The following ADK variants were observed in gnomAD, a reference collection of about 807,000 sequenced individuals.
The protein encoded by ADK is N6,N6-dimethyladenosine kinase.
In ADK, 24 loss-of-function variants were observed where a neutral mutation model predicts 44.7. The ratio of observed to expected loss-of-function variants is 0.54; its 90% confidence interval spans 0.39 to 0.76. ADK has a LOEUF of 0.76. ADK is among the 30% of genes least tolerant of loss of function. The pLI is 0.00. For missense variants in ADK, 321 were observed against 425.1 expected, an observed-to-expected ratio of 0.76 and a Z score of 2.15; for synonymous variants, 128 against 142.6, an observed-to-expected ratio of 0.90 and a Z score of 0.73.
chr10:74,683,156 C>G (rs959666406), intron 10 of ADK, among the ~76,000 whole-genome samples: 2 of 152,174 alleles, frequency 1.3e-5, no homozygotes, highest in South Asian at 4.1e-4. Flanking sequence ...ATATTCTAAG[C>G]TAGCCAAATT....
chr10:74,440,030 A>G (rs1845342222), intron 6 of ADK, among the ~76,000 whole-genome samples: 1 of 152,046 alleles, frequency 6.6e-6, no homozygotes, highest in Admixed American at 6.6e-5. Flanking sequence ...TTAAGTATAT[A>G]GTACATACAA....
intron 6 of ADK, among the ~76,000 whole-genome samples, chr10:74,468,626 C>A (rs2133278679): frequency 6.6e-6 from 1 of 152,204 alleles, no homozygotes; most frequent in East Asian, 1.9e-4. Flanking sequence ...AGTTTAATAA[C>A]CTTTCTGGGC....
At chr10:74,472,928 T>C (rs1016289182) in intron 6 of ADK, among the ~76,000 whole-genome samples, 3 of 152,186 alleles carry the variant, frequency 2.0e-5, no homozygotes, top group Non-Finnish European at 2.9e-5. Flanking sequence ...TTTATTGATA[T>C]CTCATTGTGG....
At chr10:74,675,343 ATAAAT>A (rs988237777) in intron 10 of ADK, among the ~76,000 whole-genome samples, 10 of 152,236 alleles carry the variant, frequency 6.6e-5, no homozygotes, top group Non-Finnish European at 1.3e-4. Context: ...CCAAATGTAC[ATAAAT>A]TAAATTAAAT....
chr10:74,283,935 C>T (rs1847053148), intron 3 of ADK, among the ~76,000 whole-genome samples: 1 of 151,738 alleles, frequency 6.6e-6, no homozygotes, highest in African/African-American at 2.4e-5. Context: ...CTGCCTAGGC[C>T]TCCCAAAGTG....
At chr10:74,250,325 A>T (rs1254323103) in intron 3 of ADK, among the ~76,000 whole-genome samples, 4 of 152,236 alleles carry the variant, frequency 2.6e-5, no homozygotes, top group Admixed American at 2.6e-4. Flanking sequence ...GGGAGATCAA[A>T]GGAGAAGTTA....
Position 74,246,588 on chromosome 10 carries a change from CA to C in ADK, c.194+21998del, listed in dbSNP as rs542242501. On this transcript the variant is annotated intron_variant, in intron 3 of 10. Transcript: ENST00000539909. ...ATTAAAACAGAGGAAACTTCATTAT[CA>C]TGCCCATTGAATACTTCATTATCAT... Among the ~76,000 whole-genome samples the C allele has an allele frequency of 5.1e-3, 776 of 152,308 alleles. 9 individuals are homozygous for C. Among genetic ancestry groups the C allele is most frequent in the African/African-American group, 0.018 (747 of 41,560 alleles).
chr10:74,690,462 C>G (rs1855949442), intron 10 of ADK, among the ~76,000 whole-genome samples: 1 of 152,214 alleles, frequency 6.6e-6, no homozygotes, highest in Non-Finnish European at 1.5e-5. Context: ...CACCACTGTT[C>G]TCCAACCTGG....
At chr10:74,196,761 A>G (rs541608990) in intron 1 of ADK, among the ~76,000 whole-genome samples, 2 of 152,342 alleles carry the variant, frequency 1.3e-5, no homozygotes, top group African/African-American at 4.8e-5. Context: ...AATAACCTGT[A>G]CAACAAACCC....
chr10:74,550,348 G>A (rs933261028), intron 7 of ADK, among the ~76,000 whole-genome samples: 4 of 152,052 alleles, frequency 2.6e-5, no homozygotes, highest in Non-Finnish European at 4.4e-5. Flanking sequence ...TGGGATTACA[G>A]GTACGAGCCA....
chr10:74,230,123 G>A (rs150417231), intron 3 of ADK, among the ~76,000 whole-genome samples: 1 of 146,884 alleles, frequency 6.8e-6, no homozygotes, highest in African/African-American at 2.5e-5. Context: ...ATCCTGTGAA[G>A]CAAAAAGTCA....
At chr10:74,698,450 G>T (rs1380527193) in intron 10 of ADK, among the ~76,000 whole-genome samples, 1 of 152,216 alleles carries the variant, frequency 6.6e-6, no homozygotes, top group Admixed American at 6.5e-5. Context: ...GATCCTAAGA[G>T]ACTTTTTCTT....
rs567864397 is a variant in ADK at position 74,191,776 on chromosome 10, C to T, written c.66-8988C>T. On this transcript the variant is annotated intron_variant, in intron 1 of 10. Transcript: ENST00000539909. The stretch of plus-strand genomic sequence containing the variant: ...AACTATAGACGTTATTAGAATTTCA[C>T]GGGTTTTTGTATATACTGTTTTTAA... Among the ~76,000 whole-genome samples the T allele has an allele frequency of 2.6e-5, 4 of 152,180 alleles. No individual in the cohort carries two copies. The South Asian group carries it at 8.3e-4, about 32-fold the overall frequency.
At chr10:74,482,398 C>G (rs1847105890) in intron 6 of ADK, among the ~76,000 whole-genome samples, 1 of 152,318 alleles carries the variant, frequency 6.6e-6, no homozygotes. Flanking sequence ...TCATCTCCCA[C>G]CAGGCCTCTC....
At chr10:74,290,078 G>GTGCACACA (rs1554838781) in intron 3 of ADK, among the ~76,000 whole-genome samples, 1 of 149,014 alleles carries the variant, frequency 6.7e-6, no homozygotes, top group Non-Finnish European at 1.5e-5. Flanking sequence ...CTACTCACGC[G>GTGCACACA]CACACACACA....
intron 3 of ADK, among the ~76,000 whole-genome samples, chr10:74,225,591 C>T (rs1844504163): frequency 6.6e-6 from 1 of 152,072 alleles, no homozygotes. Flanking sequence ...ATTTTCTTCT[C>T]TCCTATTTAA....
chr10:74,169,833 C>T (rs1031695436), intron 1 of ADK, among the ~76,000 whole-genome samples: 1 of 152,104 alleles, frequency 6.6e-6, no homozygotes, highest in Non-Finnish European at 1.5e-5. Flanking sequence ...TTTTGAGATA[C>T]AAGTATGCAC....
At chr10:74,186,092 G>A (rs1842750105) in intron 1 of ADK, among the ~76,000 whole-genome samples, 1 of 151,848 alleles carries the variant, frequency 6.6e-6, no homozygotes, top group Non-Finnish European at 1.5e-5. Context: ...CAAGTGATCT[G>A]CCTACCTCGG....
chr10:74,372,367 C>T (rs1252649770), intron 4 of ADK: 9 of 740,226 alleles, frequency 1.2e-5, no homozygotes, highest in Non-Finnish European at 7.4e-6. Flanking sequence ...TCCACAGCTC[C>T]CAATGCTCAG....
Sources: allele counts gnomAD v4.1 joint callset (sites outside exome capture counted in the v4.1 genomes callset), GRCh38; gene constraint gnomAD v4.1.1; transcripts MANE v1.5; gene names NCBI Gene and HGNC (gene_info 2026-07-23, HGNC 2026-07-21).